The following AMOTL1 variants were observed in gnomAD, a reference collection of about 807,000 sequenced individuals.
AMOTL1 encodes the protein angiomotin-like protein 1.
In AMOTL1, 45 loss-of-function variants were observed where a neutral mutation model predicts 102.9. The ratio of observed to expected loss-of-function variants is 0.44; its 90% confidence interval spans 0.34 to 0.56. AMOTL1 has a LOEUF of 0.56. Among genes scored for constraint, AMOTL1 ranks in the 20% least tolerant of loss-of-function variants. The probability of loss-of-function intolerance (pLI) is 0.01; values close to 1 mark genes in which losing one functional copy is unlikely to be tolerated. For missense variants in AMOTL1, 1,114 were observed against 1,225.6 expected (o/e 0.91, Z 1.36); for synonymous variants, 481 against 484.7 (o/e 0.99, Z 0.10).
intron 1 of AMOTL1, among the ~76,000 whole-genome samples, chr11:94,712,041 A>G (rs34043684): frequency 0.035 from 5,357 of 152,208 alleles, 140 homozygotes; most frequent in East Asian, 0.1. Context: ...TAGAACGGCC[A>G]TAATATTTTA....
rs968246769 is a variant in AMOTL1, at chr11:94,876,186, A to C, written c.*5391A>C. ...TTTATTACAAAACGGAATGTAAGCA[A>C]ATATATCCACATTGGTTTTATTTGA... On this transcript the variant is annotated 3_prime_UTR_variant, in exon 13 of 13. Transcript: ENST00000433060. 6.6e-6 allele frequency: 1 copy of C among 152,666 alleles called. No homozygotes were observed. Among genetic ancestry groups the C allele is most frequent in the Non-Finnish European group, 1.5e-5 (1 of 68,040 alleles). The allele number at this position is 152,666 out of a possible 1,614,324, so 9.5% of individuals were successfully genotyped here.
rs146369833 is a variant in AMOTL1, at chr11:94,743,256, C to T, written c.136+2268C>T. ...CTAAGGCGTCTTCCAGTTCTATTTT[C>T]ACCTCTTAAAGTGCTGTGAGGGGCT... On this transcript the variant is annotated intron_variant, in intron 3 of 4. Transcript: ENST00000299004. 4.9e-3 allele frequency among the ~76,000 whole-genome samples: 746 copies of T among 152,310 alleles called. 13 individuals carry two copies. Among genetic ancestry groups the T allele is most frequent in the South Asian group, 0.035 (167 of 4,826 alleles).
At position 94,866,110 on chromosome 11, in the gene AMOTL1, T is replaced by C; in HGVS notation, c.2430T>C (p.Leu810=). The change falls in exon 11 of 13, where the codon CTT becomes CTC. Residue 810 remains leucine, a synonymous_variant. Coordinates refer to ENST00000433060, the MANE Select transcript of AMOTL1 (RefSeq NM_130847.3). Reference sequence around the variant, plus strand: ...GGACACACTCTCGCCAGACCTCTCTTACCAGCAGCCAGCTGGCTGAGGAAA... The same window carrying C: ...GGACACACTCTCGCCAGACCTCTCTCACCAGCAGCCAGCTGGCTGAGGAAA... ...ATGTHSRQTS[L]TSSQLAEEKK... 1.2e-6 allele frequency: 2 copies of C among 1,613,962 alleles called. No individual in the cohort carries two copies. The highest frequency in any genetic ancestry group is 1.7e-6 in the Non-Finnish European group (2 of 1,179,886).
intron 9 of AMOTL1, 121 bp downstream of exon 9, chr11:94,859,836 T>A: frequency 1.8e-6 from 2 of 1,119,014 alleles, no homozygotes; most frequent in Non-Finnish European, 2.4e-6. Context: ...TAAAAATTAT[T>A]TTTAAGTAGT....
chr11:94,856,047 A>G (rs1379764748), intron 8 of AMOTL1, among the ~76,000 whole-genome samples: 4 of 152,090 alleles, frequency 2.6e-5, no homozygotes, highest in African/African-American at 7.2e-5. Flanking sequence ...CTCTTTAAAA[A>G]TAACATTACA....
intron 2 of AMOTL1, among the ~76,000 whole-genome samples, chr11:94,798,140 G>T (rs1172520036): frequency 1.3e-5 from 2 of 152,214 alleles, no homozygotes; most frequent in African/African-American, 4.8e-5. Flanking sequence ...CTTCCCGCCT[G>T]GGGGCCTCGG....
At chr11:94,825,179 G>T (rs1470710476) in intron 4 of AMOTL1, among the ~76,000 whole-genome samples, 1 of 152,204 alleles carries the variant, frequency 6.6e-6, no homozygotes, top group Non-Finnish European at 1.5e-5. Context: ...TGTTGAGTGG[G>T]TTGGCCTTGA....
chr11:94,748,491 G>T (rs541847462), intron 3 of AMOTL1, among the ~76,000 whole-genome samples: 1 of 152,114 alleles, frequency 6.6e-6, no homozygotes, highest in Non-Finnish European at 1.5e-5. Context: ...AGAATAGCTG[G>T]GTAGGGTACA....
At chr11:94,707,427 G>A (rs1949949351) in intron 1 of AMOTL1, among the ~76,000 whole-genome samples, 1 of 151,870 alleles carries the variant, frequency 6.6e-6, no homozygotes, top group Non-Finnish European at 1.5e-5. Context: ...TTATGACAGA[G>A]GTGCCTACAG....
chr11:94,713,259 T>C (rs554314645), intron 1 of AMOTL1, among the ~76,000 whole-genome samples: 8 of 152,036 alleles, frequency 5.3e-5, no homozygotes, highest in African/African-American at 1.9e-4. Flanking sequence ...ATTTGACTAA[T>C]ATTATATAGT....
chr11:94,847,232 G>A (rs1045465067), intron 6 of AMOTL1, among the ~76,000 whole-genome samples: 4 of 152,050 alleles, frequency 2.6e-5, no homozygotes. Flanking sequence ...GGAACCAGAG[G>A]TATCCATGGT....
intron 3 of AMOTL1, among the ~76,000 whole-genome samples, chr11:94,760,004 C>G (rs1208567714): frequency 1.3e-5 from 2 of 152,208 alleles, no homozygotes; most frequent in African/African-American, 4.8e-5. Flanking sequence ...CCAGGCCTAC[C>G]AAATCAGAAA....
At position 94,869,391 on chromosome 11, in the gene AMOTL1, C is replaced by A. The variant is rs1296807804; in HGVS notation, c.2682C>A (p.Pro894=). 2 of 1,606,070 alleles carry A rather than the reference C, an allele frequency of 1.2e-6. No homozygotes were observed. The highest frequency in any genetic ancestry group is 2.3e-5 in the East Asian group (1 of 44,348). ...ELFWPSMASL[P]SRGRLSTTPA... is the part of the protein sequence containing the mutation. ...TCTGGCCCAGCATGGCCTCCCTTCCCAGCCGCGGCCGGCTGAGCACGACCC... is the reference window on the plus strand; with the variant it reads ...TCTGGCCCAGCATGGCCTCCCTTCCAAGCCGCGGCCGGCTGAGCACGACCC... Residue 894 remains proline, a synonymous_variant, in exon 12 of 13, where the codon CCC becomes CCA. Transcript: ENST00000433060.
At chr11:94,866,560 G>T (rs901493168) in intron 11 of AMOTL1, 1 of 235,710 alleles carries the variant, frequency 4.2e-6, no homozygotes, top group African/African-American at 2.3e-5. Flanking sequence ...GACAGTGTCT[G>T]CCTGCTTTAC....
At chr11:94,735,769 G>A (rs1015882108) in intron 2 of AMOTL1, among the ~76,000 whole-genome samples, 1 of 152,170 alleles carries the variant, frequency 6.6e-6, no homozygotes, top group African/African-American at 2.4e-5. Flanking sequence ...TGGAGATTAG[G>A]AGAGGACAGG....
chr11:94,851,870 G>A (rs1411169946), intron 7 of AMOTL1, among the ~76,000 whole-genome samples: 2 of 152,222 alleles, frequency 1.3e-5, no homozygotes, highest in African/African-American at 4.8e-5. Flanking sequence ...CAAAGGTGAA[G>A]GAGACAGATT....
At chr11:94,769,521 C>T (rs955268545) in intron 1 of AMOTL1, among the ~76,000 whole-genome samples, 3 of 152,222 alleles carry the variant, frequency 2.0e-5, no homozygotes, top group Non-Finnish European at 4.4e-5. Context: ...CGCAAAGCTC[C>T]CGCGCCTCGC....
chr11:94,783,575 G>C (rs936273494), intron 1 of AMOTL1, among the ~76,000 whole-genome samples: 21 of 152,098 alleles, frequency 1.4e-4, no homozygotes, highest in Non-Finnish European at 2.9e-4. Flanking sequence ...AAAACAAGAA[G>C]GTCAGAGAGG....
intron 7 of AMOTL1, 46 bp from the exon 8 acceptor site, chr11:94,853,887 A>C: frequency 2.5e-6 from 4 of 1,583,728 alleles, no homozygotes; most frequent in Non-Finnish European, 3.4e-6. Context: ...AGCTTTGAGA[A>C]TCAGTGGTCT....
Sources: allele counts gnomAD v4.1 joint callset (sites outside exome capture counted in the v4.1 genomes callset), GRCh38; gene constraint gnomAD v4.1.1; transcripts MANE v1.5; gene names NCBI Gene and HGNC (gene_info 2026-07-23, HGNC 2026-07-21).